EML4: variants seen among roughly 807,000 people sequenced by gnomAD.
EML4 encodes EMAP like 4.
In EML4, 72 loss-of-function variants were observed where a neutral mutation model predicts 129.0. That is an observed-to-expected ratio of 0.56 (90% CI 0.46 to 0.68). EML4 has a LOEUF of 0.68. Ranked by LOEUF, EML4 falls within the 30% of genes least tolerant of loss-of-function variation. The pLI is 0.00. For missense variants in EML4, 1,363 were observed against 1,190.6 expected, an observed-to-expected ratio of 1.14 and a Z score of -2.13; for synonymous variants, 532 against 405.0, an observed-to-expected ratio of 1.31 and a Z score of -3.77.
At chr2:42,224,328 T>C (rs1468444890) in intron 1 of EML4, among the ~76,000 whole-genome samples, 1 of 152,162 alleles carries the variant, frequency 6.6e-6, no homozygotes, top group African/African-American at 2.4e-5. Flanking sequence ...CACTGGCTTC[T>C]TTCACTAAGT....
At chr2:42,240,127 T>C (rs1444946045) in intron 1 of EML4, among the ~76,000 whole-genome samples, 1 of 152,160 alleles carries the variant, frequency 6.6e-6, no homozygotes, top group Non-Finnish European at 1.5e-5. Context: ...TAATCTATGA[T>C]AGAAATTTAA....
At chr2:42,187,493 C>G (rs1180906228) in intron 1 of EML4, among the ~76,000 whole-genome samples, 2 of 152,036 alleles carry the variant, frequency 1.3e-5, no homozygotes, top group East Asian at 3.8e-4. Context: ...AGTAATATTT[C>G]TTTGTATGAA....
At chr2:42,217,770 C>G (rs1673288697) in intron 1 of EML4, among the ~76,000 whole-genome samples, 1 of 152,174 alleles carries the variant, frequency 6.6e-6, no homozygotes, top group African/African-American at 2.4e-5. Context: ...GTCCAAATAT[C>G]AGATCTGTCA....
intron 9 of EML4, among the ~76,000 whole-genome samples, chr2:42,285,594 T>C (rs973702448): frequency 1.3e-5 from 2 of 151,058 alleles, no homozygotes; most frequent in Non-Finnish European, 3.0e-5. Flanking sequence ...ACCTTTTTTT[T>C]TTCTTTTTTT....
chr2:42,196,632 T>A (rs893434703), intron 1 of EML4, among the ~76,000 whole-genome samples: 2 of 152,230 alleles, frequency 1.3e-5, no homozygotes, highest in Non-Finnish European at 2.9e-5. Context: ...TATCTAGTTA[T>A]CAGCGAAACA....
chr2:42,229,160 CTT>C (rs1553371060), intron 1 of EML4, among the ~76,000 whole-genome samples: 1 of 152,078 alleles, frequency 6.6e-6, no homozygotes, highest in Non-Finnish European at 1.5e-5. Context: ...GTATTGGAAT[CTT>C]ATGATGATTA....
chr2:42,306,051 C>A (rs1042791068), intron 17 of EML4, among the ~76,000 whole-genome samples: 8 of 152,116 alleles, frequency 5.3e-5, no homozygotes, highest in African/African-American at 1.9e-4. Flanking sequence ...ACTAGAGATG[C>A]TATTGAGTGA....
chr2:42,245,691 A>G lies in EML4; in HGVS notation c.208+4A>G. 1 of 1,596,120 alleles carries G rather than the reference A, an allele frequency of 6.3e-7. No individual in the cohort carries two copies. ...AAAAAATCAGTCTCAAGTAAAGGTA[A>G]TTGTGTTGTAAAGTTAAAAAGAGTC... is the stretch of plus-strand genomic sequence containing the variant. On this transcript the variant is annotated splice_donor_region_variant and intron_variant, in intron 2 of 22. Transcript: ENST00000318522.
At chr2:42,226,137 C>A (rs925367533) in intron 1 of EML4, among the ~76,000 whole-genome samples, 3 of 151,978 alleles carry the variant, frequency 2.0e-5, no homozygotes, top group Non-Finnish European at 4.4e-5. Flanking sequence ...AAAATAGTTA[C>A]CAGTCTTTTC....
intron 9 of EML4, 39 bp downstream of exon 9, chr2:42,284,742 A>G (rs756998348): frequency 4.8e-6 from 7 of 1,451,640 alleles, no homozygotes; most frequent in East Asian, 4.7e-5. Context: ...ACCTAGAGAC[A>G]TTGCTGTTAG....
chr2:42,287,583 C>T (rs1667380763), intron 10 of EML4, among the ~76,000 whole-genome samples: 1 of 152,090 alleles, frequency 6.6e-6, no homozygotes. Flanking sequence ...ACAAATGATA[C>T]TATTTTTAAA....
Position 42,303,164 on chromosome 2 carries a change from G to A in EML4, c.1702G>A (p.Val568Ile), listed in dbSNP as rs1668388072. The A allele has an allele frequency of 1.9e-6, 3 of 1,614,086 alleles. No homozygotes were observed. The highest frequency in any genetic ancestry group is 2.7e-5 in the African/African-American group (2 of 75,032). ...VAEGKADQFL[V>I]GTSRNFILRG... is the part of the protein sequence containing the mutation. ...AGAAGGAAAGGCAGATCAATTTTTAGTAGGCACATCACGAAACTTTATTTT... is the reference window on the plus strand; with the variant it reads ...AGAAGGAAAGGCAGATCAATTTTTAATAGGCACATCACGAAACTTTATTTT... The change falls in exon 15 of 23, where the codon GTA becomes ATA. Residue 568 changes from valine to isoleucine, a missense_variant. Physicochemically the swap from Val to Ile is conservative, Grantham distance 29. Transcript: ENST00000318522.
chr2:42,310,141 A>T (rs532428466), intron 17 of EML4, among the ~76,000 whole-genome samples: 111 of 152,164 alleles, frequency 7.3e-4, no homozygotes, highest in South Asian at 6.2e-4. Context: ...AAATTGGCCA[A>T]AGATGTATGA....
chr2:42,264,777 T>C, intron 6 of EML4, 46 bp downstream of exon 6: 1 of 1,450,484 alleles, frequency 6.9e-7, no homozygotes, highest in South Asian at 1.2e-5. Context: ...CCTTCTTAGT[T>C]TAATTTTTGC....
chr2:42,171,002 G>A (rs1670241836), intron 1 of EML4, among the ~76,000 whole-genome samples: 1 of 152,232 alleles, frequency 6.6e-6, no homozygotes, highest in South Asian at 2.1e-4. Context: ...TCGTTATATT[G>A]CTTTCAGAGT....
intron 2 of EML4, among the ~76,000 whole-genome samples, chr2:42,248,898 T>C (rs1238347973): frequency 6.6e-6 from 1 of 152,188 alleles, no homozygotes; most frequent in East Asian, 1.9e-4. Context: ...TATTTTCCTT[T>C]AGTGGAAAAA....
intron 1 of EML4, among the ~76,000 whole-genome samples, chr2:42,177,990 T>C (rs1670704247): frequency 6.6e-6 from 1 of 152,186 alleles, no homozygotes; most frequent in Non-Finnish European, 1.5e-5. Context: ...AATCCCTATC[T>C]TTGAGAGAAT....
intron 1 of EML4, among the ~76,000 whole-genome samples, chr2:42,179,606 TTTTTG>T (rs1377418892): frequency 1.8e-4 from 28 of 152,230 alleles, no homozygotes; most frequent in African/African-American, 6.7e-4. Context: ...ATATGGGGGT[TTTTTG>T]TTTTGTTTTG....
At position 42,256,500 on chromosome 2, in the gene EML4, G is replaced by A; in HGVS notation, c.209-1G>A. 1 of 1,587,800 alleles carries A rather than the reference G, an allele frequency of 6.3e-7. No individual in the cohort carries two copies. On this transcript the variant is annotated splice_acceptor_variant, in intron 2 of 22. Transcript: ENST00000318522. LOFTEE classifies it high-confidence loss of function. Reference sequence around the variant, plus strand: ...TAATTTTTTTCCTTAATTATCTTTAGGCCAACCAAGCCCTCGAGCAGTTAT... The same window carrying A: ...TAATTTTTTTCCTTAATTATCTTTAAGCCAACCAAGCCCTCGAGCAGTTAT...
Sources: gnomAD v4.1 joint callset for allele counts (sites outside exome capture counted in the v4.1 genomes callset) on GRCh38, gnomAD v4.1.1 for gene constraint, MANE v1.5 for transcripts, NCBI Gene and HGNC (gene_info 2026-07-23, HGNC 2026-07-21) for gene names.